The following CYP3A7 variants were observed in gnomAD, a reference collection of about 807,000 sequenced individuals.
CYP3A7 encodes the protein cytochrome P450 family 3 subfamily A member 7.
CYP3A7 carries 45 observed loss-of-function variants against 55.2 expected under a neutral mutation model. That is an observed-to-expected ratio of 0.82 (90% CI 0.64 to 1.05). CYP3A7 has a LOEUF of 1.05. Ranked by LOEUF, CYP3A7 falls within the 50% of genes least tolerant of loss-of-function variation. The pLI is 0.00. For missense variants in CYP3A7, 548 were observed against 605.3 expected (o/e 0.91, Z 0.99); for synonymous variants, 180 against 207.4 (o/e 0.87, Z 1.13).
chr7:99,722,227 T>C, intron 3 of CYP3A7, 69 bp downstream of exon 3: 2 of 1,595,188 alleles, frequency 1.3e-6, no homozygotes, highest in East Asian at 4.5e-5. Flanking sequence ...GCTGAGACTA[T>C]CCTCTGTGCA....
At chr7:99,720,466 G>T in intron 3 of CYP3A7, 54 bp from the exon 4 acceptor site, 2 of 1,603,634 alleles carry the variant, frequency 1.2e-6, no homozygotes, top group Non-Finnish European at 1.7e-6. Context: ...GCTACAGCTG[G>T]AGCCAAACCC....
At chr7:99,708,341 G>A (rs1009285512) in intron 11 of CYP3A7, among the ~76,000 whole-genome samples, 3 of 152,186 alleles carry the variant, frequency 2.0e-5, no homozygotes, top group Admixed American at 1.3e-4. Flanking sequence ...TCACCCTTAT[G>A]TTGGTCATGA....
At chr7:99,722,962 A>C (rs1429618066) in intron 2 of CYP3A7, among the ~76,000 whole-genome samples, 1 of 152,198 alleles carries the variant, frequency 6.6e-6, no homozygotes, top group African/African-American at 2.4e-5. Flanking sequence ...AGTTCTGAGA[A>C]AATGTCACCT....
intron 1 of CYP3A7, among the ~76,000 whole-genome samples, chr7:99,731,694 C>T (rs1047169604): frequency 1.7e-4 from 26 of 152,174 alleles, no homozygotes; most frequent in Non-Finnish European, 8.8e-5. Flanking sequence ...TAAGCTCTGA[C>T]CCTGTTTTAG....
At chr7:99,707,698 G>C in intron 12 of CYP3A7, 114 bp downstream of exon 12, 1 of 1,514,722 alleles carries the variant, frequency 6.6e-7, no homozygotes, top group Non-Finnish European at 9.0e-7. Context: ...AGATTCCTTG[G>C]CCCATAGAAC....
At chr7:99,720,159 A>G (rs1279960720) in intron 4 of CYP3A7, among the ~76,000 whole-genome samples, 154 bp downstream of exon 4, 1 of 152,212 alleles carries the variant, frequency 6.6e-6, no homozygotes, top group African/African-American at 2.4e-5. Context: ...GTTATGCAAG[A>G]TTGCAAGATG....
At chr7:99,726,778 T>G (rs1294967225) in intron 2 of CYP3A7, among the ~76,000 whole-genome samples, 1 of 152,200 alleles carries the variant, frequency 6.6e-6, no homozygotes, top group Non-Finnish European at 1.5e-5. Context: ...CAAGATACCC[T>G]CCTGCTCCTT....
chr7:99,731,181 A>G, intron 1 of CYP3A7, 29 bp from the exon 2 acceptor site: 2 of 1,612,652 alleles, frequency 1.2e-6, no homozygotes, highest in Non-Finnish European at 1.7e-6. Flanking sequence ...ATCAGGTCTC[A>G]GGGATTGTGA....
Position 99,722,169 on chromosome 7 carries a change from C to A in CYP3A7, c.218+127G>T, listed in dbSNP as rs193274413. ...CATATCTTCTTCTTTCAGAAAACCT[C>A]TCTGTTTGTAGTTAGGCTGGCAAGA... is the stretch of plus-strand genomic sequence containing the variant. On this transcript the variant is annotated intron_variant, in intron 3 of 12. Coordinates refer to ENST00000336374, the MANE Select transcript of CYP3A7 (RefSeq NM_000765.5). 716 of 1,175,666 alleles carry A rather than the reference C, an allele frequency of 6.1e-4. 4 individuals are homozygous for A. In the African/African-American group the frequency reaches 0.01, roughly 17 times the overall value. The allele number at this position is 1,175,666 out of a possible 1,614,324, so 72.8% of individuals were successfully genotyped here. A position where few individuals can be genotyped will look rare whatever the true frequency, so the allele number is the denominator to read the frequency against.
intron 1 of CYP3A7, among the ~76,000 whole-genome samples, chr7:99,731,487 C>A (rs1334392478): frequency 6.6e-6 from 1 of 152,138 alleles, no homozygotes; most frequent in Non-Finnish European, 1.5e-5. Flanking sequence ...TCCCTCATGT[C>A]TTTTTAGTAA....
chr7:99,727,232 C>A (rs1164970408), intron 2 of CYP3A7, among the ~76,000 whole-genome samples: 1 of 152,204 alleles, frequency 6.6e-6, no homozygotes, highest in Non-Finnish European at 1.5e-5. Flanking sequence ...GCTCTGTAGC[C>A]TTTTTGTCCA....
intron 7 of CYP3A7, chr7:99,715,353 G>A: frequency 4.1e-6 from 1 of 245,198 alleles, no homozygotes; most frequent in South Asian, 5.5e-5. Flanking sequence ...CCACAACACA[G>A]TAAACGGAGA....
chr7:99,730,950 A>T, intron 2 of CYP3A7, 109 bp downstream of exon 2: 3 of 1,420,734 alleles, frequency 2.1e-6, no homozygotes, highest in Non-Finnish European at 2.9e-6. Flanking sequence ...GCTATTTCTG[A>T]AAGTATAAAA....
intron 7 of CYP3A7, among the ~76,000 whole-genome samples, chr7:99,715,072 C>T (rs1813886710): frequency 6.6e-6 from 1 of 152,128 alleles, no homozygotes; most frequent in South Asian, 2.1e-4. Context: ...ATCTCTGTCA[C>T]CTATCATAGG....
intron 1 of CYP3A7, among the ~76,000 whole-genome samples, chr7:99,732,331 G>C (rs1268442103): frequency 6.6e-6 from 1 of 152,144 alleles, no homozygotes; most frequent in African/African-American, 2.4e-5. Context: ...GCTTCCTGTA[G>C]AGCCTGCAGA....
intron 8 of CYP3A7, 24 bp downstream of exon 8, chr7:99,714,531 C>T: frequency 6.2e-7 from 1 of 1,611,362 alleles, no homozygotes; most frequent in East Asian, 2.2e-5. Context: ...TAAACATCCT[C>T]CTATAACTAC....
intron 4 of CYP3A7, among the ~76,000 whole-genome samples, chr7:99,719,043 A>C (rs1225696731): frequency 6.6e-6 from 1 of 152,246 alleles, no homozygotes; most frequent in Non-Finnish European, 1.5e-5. Context: ...TCATGAATTG[A>C]AAGACCAAAC....
At chr7:99,724,712 A>G (rs539023522) in intron 2 of CYP3A7, among the ~76,000 whole-genome samples, 8 of 152,072 alleles carry the variant, frequency 5.3e-5, no homozygotes, top group Non-Finnish European at 7.4e-5. Flanking sequence ...CACCTGCCCA[A>G]CAATTTTCTC....
chr7:99,718,512 A>C (rs186087212), intron 4 of CYP3A7, among the ~76,000 whole-genome samples: 11 of 152,286 alleles, frequency 7.2e-5, no homozygotes, highest in Admixed American at 5.9e-4. Context: ...TTAAAAATTC[A>C]GCAAACTAGG....
Sources: allele counts gnomAD v4.1 joint callset (sites outside exome capture counted in the v4.1 genomes callset), GRCh38; gene constraint gnomAD v4.1.1; transcripts MANE v1.5; gene names NCBI Gene and HGNC (gene_info 2026-07-23, HGNC 2026-07-21).